The following FSTL4 variants were observed in gnomAD, a reference collection of about 807,000 sequenced individuals.
FSTL4 encodes the protein follistatin like 4, also known as follistatin-related protein 4.
FSTL4 carries 28 observed loss-of-function variants against 78.2 expected under a neutral mutation model. The ratio of observed to expected loss-of-function variants is 0.36; its 90% CI spans 0.27 to 0.49. FSTL4 has a LOEUF of 0.49. Among genes scored for constraint, FSTL4 ranks in the 20% least tolerant of loss-of-function variants. FSTL4 has a pLI of 0.98. For missense variants in FSTL4, 922 were observed against 1,084.9 expected (o/e 0.85, Z 2.11); for synonymous variants, 422 against 440.5 (o/e 0.96, Z 0.53).
the FSTL4 span, among the ~76,000 whole-genome samples, chr5:133,624,717 T>C: frequency 6.6e-6 from 1 of 152,084 alleles, no homozygotes; most frequent in East Asian, 1.9e-4. Flanking sequence ...TCTATAGTTA[T>C]GTCTTGAAAT....
At chr5:133,559,670 C>T (rs1359340204) in intron 3 of FSTL4, among the ~76,000 whole-genome samples, 1 of 152,242 alleles carries the variant, frequency 6.6e-6, no homozygotes, top group Admixed American at 6.5e-5. Context: ...GACCGCTAGG[C>T]AAGCACGAGT....
At position 133,567,942 on chromosome 5, in the gene FSTL4, A is replaced by C. The variant is rs144579455; in HGVS notation, c.127-723T>G. Among the ~76,000 whole-genome samples the C allele has an allele frequency of 3.1e-4, 47 of 152,350 alleles. 1 individual carries two copies. Among genetic ancestry groups the C allele is most frequent in the African/African-American group, 1.1e-3 (44 of 41,580 alleles). ...ACAAACACAAATTACTGAGAAATGA[A>C]AGGGTGATTTGTCTTGTAAATACCA... On this transcript the variant is annotated intron_variant, in intron 2 of 15. Transcript: ENST00000265342.
At chr5:133,702,683 GCCTTATTCTAGAAT>G in the FSTL4 span, among the ~76,000 whole-genome samples, 1 of 152,202 alleles carries the variant, frequency 6.6e-6, no homozygotes, top group Non-Finnish European at 1.5e-5. Context: ...TAGTTAATTA[GCCTTATTCTAGAAT>G]CCTTCTTCTA....
intron 2 of FSTL4, chr5:133,583,136 G>A (rs956116476): frequency 1.3e-5 from 5 of 395,222 alleles, no homozygotes; most frequent in African/African-American, 1.0e-4. Context: ...GCTGTCTCCA[G>A]CGGCCAGTGG....
At chr5:133,241,331 G>A (rs926901510) in intron 7 of FSTL4, among the ~76,000 whole-genome samples, 6 of 152,232 alleles carry the variant, frequency 3.9e-5, no homozygotes, top group Non-Finnish European at 7.3e-5. Flanking sequence ...AGAAGTGAGG[G>A]TGTCTTCTGT....
Position 133,338,825 on chromosome 5 carries a change from C to T in FSTL4, c.410-22173G>A, listed in dbSNP as rs1171545585. 6.6e-6 allele frequency among the ~76,000 whole-genome samples: 1 copy of T among 152,152 alleles called. No individual in the cohort carries two copies. Among genetic ancestry groups the T allele is most frequent in the Non-Finnish European group, 1.5e-5 (1 of 68,024 alleles). On this transcript the variant is annotated intron_variant, in intron 4 of 15. Transcript: ENST00000265342. The surrounding 1 kb of genome is among the most constrained non-coding windows in gnomAD (Gnocchi z 4.0). ...CCTCACCATCTTGCCCATCCCCAGC[C>T]AATCAGTCCTGGCTCAGGTCATTTC... is the stretch of plus-strand genomic sequence containing the variant.
At chr5:133,805,314 G>T in the FSTL4 span, among the ~76,000 whole-genome samples, 1 of 152,070 alleles carries the variant, frequency 6.6e-6, no homozygotes, top group East Asian at 1.9e-4. Flanking sequence ...AAGAGCCTCC[G>T]CCTCCACTCC....
rs1421866895 is a variant in FSTL4 at position 133,602,674 on chromosome 5, C to T, written c.126+1184G>A. ...CAGCCTCCAGACTCTTTCAAAAGAGCATTAAATTGCGTCCTTCATGGATTT... is the reference window on the plus strand; with the variant it reads ...CAGCCTCCAGACTCTTTCAAAAGAGTATTAAATTGCGTCCTTCATGGATTT... On this transcript the variant is annotated intron_variant, in intron 2 of 15. Coordinates refer to ENST00000265342, the MANE Select transcript of FSTL4 (RefSeq NM_015082.2). 2.0e-5 allele frequency among the ~76,000 whole-genome samples: 3 copies of T among 152,184 alleles called. No individual in the cohort carries two copies. The East Asian group carries it at 5.8e-4, about 29-fold the overall frequency.
the FSTL4 span, among the ~76,000 whole-genome samples, chr5:133,766,101 T>C: frequency 0.2 from 30,484 of 152,138 alleles, 3,346 homozygotes; most frequent in East Asian, 0.41. Context: ...GTGTAGGTGC[T>C]CAATAAATGC....
intron 2 of FSTL4, among the ~76,000 whole-genome samples, chr5:133,595,543 C>T (rs138419052): frequency 2.1e-3 from 319 of 152,370 alleles, no homozygotes; most frequent in Non-Finnish European, 3.7e-3. Flanking sequence ...GACCCTCCCA[C>T]TCTGAGGGCT....
intron 6 of FSTL4, among the ~76,000 whole-genome samples, chr5:133,262,855 G>T (rs532054610): frequency 2.0e-5 from 3 of 152,072 alleles, no homozygotes; most frequent in East Asian, 3.9e-4. Context: ...CAGGTGGTGT[G>T]GGGGGAGGTG....
intron 4 of FSTL4, among the ~76,000 whole-genome samples, chr5:133,372,167 C>T (rs1231870354): frequency 1.3e-5 from 2 of 152,146 alleles, no homozygotes; most frequent in African/African-American, 2.4e-5. Context: ...TTTCTCCCGC[C>T]AGGGAGATAA....
chr5:133,431,251 T>A (rs1756931915), intron 3 of FSTL4, among the ~76,000 whole-genome samples: 2 of 152,204 alleles, frequency 1.3e-5, no homozygotes, highest in South Asian at 4.1e-4. Flanking sequence ...TGTGGTAGAT[T>A]AAAGATGGCA....
At position 133,511,918 on chromosome 5, in the gene FSTL4, G is replaced by A. The variant is rs147134828; in HGVS notation, c.160+55268C>T. Among the ~76,000 whole-genome samples, 243 of 152,258 alleles carry A rather than the reference G, an allele frequency of 1.6e-3. 2 individuals are homozygous for A. The highest frequency in any genetic ancestry group is 2.7e-3 in the Admixed American group (41 of 15,304). Reference sequence around the variant, plus strand: ...ATTCAAGGTGGAGTGATGGAGTGGCGGGTGAGCAACCACAGCTGCATGGTG... The same window carrying A: ...ATTCAAGGTGGAGTGATGGAGTGGCAGGTGAGCAACCACAGCTGCATGGTG... On this transcript the variant is annotated intron_variant, in intron 3 of 15. Coordinates refer to ENST00000265342, the MANE Select transcript of FSTL4 (RefSeq NM_015082.2).
At chr5:133,342,417 CA>C (rs1212049746) in intron 4 of FSTL4, among the ~76,000 whole-genome samples, 1 of 152,144 alleles carries the variant, frequency 6.6e-6, no homozygotes, top group African/African-American at 2.4e-5. Flanking sequence ...AATCCTGTGT[CA>C]ATTATCTCTG....
chr5:133,655,340 G>C, the FSTL4 span, among the ~76,000 whole-genome samples: 137 of 152,294 alleles, frequency 9.0e-4, no homozygotes, highest in African/African-American at 3.1e-3. Context: ...CATACTGCCA[G>C]AATGGGCTTC....
the FSTL4 span, among the ~76,000 whole-genome samples, chr5:133,813,897 T>C: frequency 6.6e-6 from 1 of 152,312 alleles, no homozygotes; most frequent in Non-Finnish European, 1.5e-5. Context: ...TATAAACCAG[T>C]TGCACAGGGT....
intron 13 of FSTL4, among the ~76,000 whole-genome samples, chr5:133,214,953 T>C (rs183359130): frequency 6.6e-6 from 1 of 152,280 alleles, no homozygotes; most frequent in African/African-American, 2.4e-5. Context: ...GCAAAACCCT[T>C]CCATATGATT....
chr5:133,818,711 T>C, the FSTL4 span, among the ~76,000 whole-genome samples: 1 of 149,256 alleles, frequency 6.7e-6, no homozygotes, highest in Non-Finnish European at 1.5e-5. Flanking sequence ...CAGGGGAGGC[T>C]TGACTTTAAT....
Sources: gnomAD v4.1 joint callset for allele counts (sites outside exome capture counted in the v4.1 genomes callset) on GRCh38, gnomAD v4.1.1 for gene constraint, Gnocchi (gnomAD v3.1) non-coding constraint, MANE v1.5 for transcripts, NCBI Gene and HGNC (gene_info 2026-07-23, HGNC 2026-07-21) for gene names.